The following ADARB1 variants were observed in gnomAD, a reference collection of about 807,000 sequenced individuals.
The protein encoded by ADARB1 is adenosine deaminase RNA specific B1.
Under a neutral mutation model 52.4 loss-of-function variants are expected in ADARB1, and 10 were observed. That is an observed-to-expected ratio of 0.19 (90% CI 0.12 to 0.32). The LOEUF is 0.32. ADARB1 is among the 10% of genes least tolerant of loss of function. The pLI is 1.00. For synonymous variants in ADARB1, 349 were observed against 371.1 expected (o/e 0.94, Z 0.68); for missense variants, 643 against 922.3 (o/e 0.70, Z 3.92).
chr21:45,133,262 C>T (rs1443335795), intron 2 of ADARB1, among the ~76,000 whole-genome samples: 4 of 152,274 alleles, frequency 2.6e-5, no homozygotes, highest in Non-Finnish European at 5.9e-5. Context: ...TGGCAGAGCT[C>T]AGTTCCTTGT....
chr21:45,200,514 A>G lies in ADARB1; in HGVS notation c.1566-4041A>G, dbSNP rs1022841797. Among the ~76,000 whole-genome samples the G allele has an allele frequency of 5.9e-5, 9 of 152,198 alleles. No homozygotes were observed. The highest frequency in any genetic ancestry group is 2.1e-4 in the South Asian group (1 of 4,828). ...GCAGCCTGTCTATTCAGAGTCGGCTATGGCAAGGGGGCCAGAGCACTGTGT... is the reference window on the plus strand; with the variant it reads ...GCAGCCTGTCTATTCAGAGTCGGCTGTGGCAAGGGGGCCAGAGCACTGTGT... On this transcript the variant is annotated intron_variant, in intron 8 of 10. Coordinates refer to ENST00000348831, the MANE Select transcript of ADARB1 (RefSeq NM_001112.4). The surrounding 1 kb of genome is among the most constrained non-coding windows in gnomAD (Gnocchi z 5.0).
At chr21:45,114,233 A>G (rs539117511) in intron 1 of ADARB1, among the ~76,000 whole-genome samples, 2 of 152,312 alleles carry the variant, frequency 1.3e-5, no homozygotes, top group East Asian at 3.9e-4. Context: ...TAAGACATGG[A>G]TAGTAACAGA....
chr21:45,158,424 C>T (rs1319142164), intron 2 of ADARB1, among the ~76,000 whole-genome samples: 3 of 152,194 alleles, frequency 2.0e-5, no homozygotes, highest in African/African-American at 4.8e-5. Context: ...TTATAAAACA[C>T]ATAATTTGTT....
chr21:45,109,678 C>T (rs1254733299), intron 1 of ADARB1, among the ~76,000 whole-genome samples: 9 of 152,174 alleles, frequency 5.9e-5, no homozygotes, highest in Non-Finnish European at 1.3e-4. Context: ...AATGGACGGG[C>T]TTTGGTATTT....
chr21:45,077,445 C>T (rs562950157), intron 1 of ADARB1, among the ~76,000 whole-genome samples: 1 of 152,202 alleles, frequency 6.6e-6, no homozygotes, highest in African/African-American at 2.4e-5. Context: ...GCGGGTAGAT[C>T]ACGAGGTCAG....
At chr21:45,151,156 C>T (rs760540881) in intron 2 of ADARB1, among the ~76,000 whole-genome samples, 90 of 152,210 alleles carry the variant, frequency 5.9e-4, no homozygotes, top group South Asian at 1.2e-3. Context: ...GCTTGAGCCA[C>T]TGGGTGTGGT....
intron 7 of ADARB1, among the ~76,000 whole-genome samples, chr21:45,184,057 T>C (rs1284438159): frequency 6.6e-6 from 1 of 152,218 alleles, no homozygotes; most frequent in Non-Finnish European, 1.5e-5. Context: ...ATTACATTAC[T>C]TTCCTTGTTT....
intron 2 of ADARB1, among the ~76,000 whole-genome samples, chr21:45,166,496 G>A (rs1163282656): frequency 6.6e-6 from 1 of 152,178 alleles, no homozygotes; most frequent in African/African-American, 2.4e-5. Context: ...AATATTCTGT[G>A]TCTGGATGTG....
chr21:45,213,004 G>A (rs1460674926), intron 9 of ADARB1, among the ~76,000 whole-genome samples: 1 of 152,310 alleles, frequency 6.6e-6, no homozygotes, highest in East Asian at 1.9e-4. Flanking sequence ...TTGGGATTTT[G>A]CAGTGCACAG....
intron 2 of ADARB1, among the ~76,000 whole-genome samples, chr21:45,170,682 T>C (rs2091444928): frequency 6.6e-6 from 1 of 152,066 alleles, no homozygotes; most frequent in South Asian, 2.1e-4. Context: ...TGAATTTGCC[T>C]TTTAGTGATT....
chr21:45,090,353 CTT>C, intron 1 of ADARB1, among the ~76,000 whole-genome samples: 1 of 152,126 alleles, frequency 6.6e-6, no homozygotes, highest in Non-Finnish European at 1.5e-5. Context: ...TACCCCTAGT[CTT>C]TTCATTTTTT....
In ADARB1 at chr21:45,220,044, G is replaced by A. The variant is rs2092935058; in HGVS notation, c.1748-792G>A. ...TTTCTTCAGGATTGTCTTTGTAAAA[G>A]CTATTTTTATCTCCTGTTTGATGTT... On this transcript the variant is annotated intron_variant, in intron 9 of 10. Coordinates refer to ENST00000348831, the MANE Select transcript of ADARB1 (RefSeq NM_001112.4). The surrounding 1 kb of genome is among the most constrained non-coding windows in gnomAD (Gnocchi z 6.3). Among the ~76,000 whole-genome samples, 1 of 139,786 alleles carries A rather than the reference G, an allele frequency of 7.2e-6. No individual in the cohort carries two copies. The highest frequency in any genetic ancestry group is 2.7e-5 in the African/African-American group (1 of 36,746). The allele number at this position is 139,786 out of a possible 152,430, so 91.7% of individuals were successfully genotyped here.
At chr21:45,093,202 G>T (rs927062654) in intron 1 of ADARB1, among the ~76,000 whole-genome samples, 2 of 152,200 alleles carry the variant, frequency 1.3e-5, no homozygotes, top group African/African-American at 4.8e-5. Context: ...TTGGCTTCAG[G>T]AACTGGACTG....
intron 1 of ADARB1, among the ~76,000 whole-genome samples, chr21:45,094,635 G>A (rs1041367201): frequency 4.6e-5 from 7 of 152,038 alleles, no homozygotes; most frequent in African/African-American, 1.4e-4. Flanking sequence ...CCCTGCTGAG[G>A]CCCCAGACTG....
At position 45,168,547 on chromosome 21, in the gene ADARB1, T is replaced by A. The variant is rs547370509; in HGVS notation, c.-47-3063T>A. 2.6e-5 allele frequency among the ~76,000 whole-genome samples: 4 copies of A among 152,338 alleles called. No homozygotes were observed. In the South Asian group the frequency reaches 8.3e-4, roughly 32 times the overall value. ...TTTTTTGGAACTCTAGTTGCCCCAATAAGGCTGTGCCTCTTCACGAAATTG... is the reference window on the plus strand; with the variant it reads ...TTTTTTGGAACTCTAGTTGCCCCAAAAAGGCTGTGCCTCTTCACGAAATTG... On this transcript the variant is annotated intron_variant, in intron 2 of 10. Transcript: ENST00000348831.
At chr21:45,152,733 C>T (rs1463240789) in intron 2 of ADARB1, 1 of 397,258 alleles carries the variant, frequency 2.5e-6, no homozygotes, top group Non-Finnish European at 5.2e-6. Flanking sequence ...TTTTATTCTT[C>T]AGTGTGAAGC....
Position 45,176,673 on chromosome 21 carries a change from C to T in ADARB1, c.963+9C>T, listed in dbSNP as rs753606725. The T allele has an allele frequency of 1.4e-5, 22 of 1,592,618 alleles. No homozygotes were observed. In the South Asian group the frequency reaches 2.5e-4, roughly 18 times the overall value. ...AGCTGCATTTACCGCAGGTGAGGAA[C>T]TATGCTGCTGCTTTAAAACACGGGG... On this transcript the variant is annotated intron_variant, in intron 4 of 10. Transcript: ENST00000348831. The surrounding 1 kb of genome is among the most constrained non-coding windows in gnomAD (Gnocchi z 5.8).
chr21:45,196,319 C>G (rs2092425249), intron 8 of ADARB1, among the ~76,000 whole-genome samples: 1 of 150,398 alleles, frequency 6.6e-6, no homozygotes, highest in African/African-American at 2.4e-5. Context: ...CAAAAAAAAT[C>G]AAGCAACCAA....
At chr21:45,123,363 G>T (rs552624774) in intron 1 of ADARB1, among the ~76,000 whole-genome samples, 159 of 152,234 alleles carry the variant, frequency 1.0e-3, no homozygotes, top group Non-Finnish European at 1.7e-3. Flanking sequence ...GAATGCAGTG[G>T]TGTGATCACA....
Sources: gnomAD v4.1 joint callset for allele counts (sites outside exome capture counted in the v4.1 genomes callset) on GRCh38, gnomAD v4.1.1 for gene constraint, Gnocchi (gnomAD v3.1) non-coding constraint, MANE v1.5 for transcripts, NCBI Gene and HGNC (gene_info 2026-07-23, HGNC 2026-07-21) for gene names.